WNT8B: variants seen among roughly 807,000 people sequenced by gnomAD.
WNT8B encodes the protein Wnt family member 8B.
Under a neutral mutation model 36.6 loss-of-function variants are expected in WNT8B, and 24 were observed. The observed-to-expected ratio is 0.66, with a 90% CI of 0.48 to 0.92. The LOEUF is 0.92. Ranked by LOEUF, WNT8B falls within the 40% of genes least tolerant of loss-of-function variation. The pLI is 0.00. For missense variants in WNT8B, 402 were observed against 470.8 expected (o/e 0.85, Z 1.35); for synonymous variants, 199 against 189.8 (o/e 1.05, Z -0.40).
At chr10:100,478,560 CT>C (rs1851068476) in intron 1 of WNT8B, among the ~76,000 whole-genome samples, 1 of 151,594 alleles carries the variant, frequency 6.6e-6, no homozygotes, top group Non-Finnish European at 1.5e-5. Context: ...GTTTTTTCTA[CT>C]AAGTTTTATG....
intron 1 of WNT8B, among the ~76,000 whole-genome samples, chr10:100,472,110 C>CTTTT (rs201400434): frequency 6.8e-6 from 1 of 146,196 alleles, no homozygotes; most frequent in African/African-American, 2.5e-5. Flanking sequence ...GGGAAGATTT[C>CTTTT]TTTTTCTTTT....
chr10:100,481,804 T>C lies in WNT8B; in HGVS notation c.368-108T>C, dbSNP rs1851115743. On this transcript the variant is annotated intron_variant, in intron 4 of 5. Coordinates refer to ENST00000343737, the MANE Select transcript of WNT8B (RefSeq NM_003393.4). ...ATACAGGGCACTCGCCCAACCTTAATCCTCTCCTATCCTGGACCCCCCCAC... is the reference window on the plus strand; with the variant it reads ...ATACAGGGCACTCGCCCAACCTTAACCCTCTCCTATCCTGGACCCCCCCAC... The C allele has an allele frequency of 1.5e-5, 22 of 1,467,076 alleles. No individual in the cohort carries two copies. In the South Asian group the frequency reaches 2.8e-4, roughly 18 times the overall value. The allele number at this position is 1,467,076 out of a possible 1,614,324, so 90.9% of individuals were successfully genotyped here.
chr10:100,470,587 G>A (rs1850965385), intron 1 of WNT8B, among the ~76,000 whole-genome samples: 1 of 151,976 alleles, frequency 6.6e-6, no homozygotes, highest in Admixed American at 6.6e-5. Context: ...TTGGGGAGAA[G>A]CCAGAAATAC....
In WNT8B at chr10:100,482,048, C is replaced by T. The variant is rs1389779459; in HGVS notation, c.504C>T (p.Gly168=). The change falls in exon 5 of 6, where the codon GGC becomes GGT. Residue 168 remains glycine (G), a synonymous_variant. Coordinates refer to ENST00000343737, the MANE Select transcript of WNT8B (RefSeq NM_003393.4). This position sits in a 1 kb window ranked among gnomAD's most constrained non-coding sequence, Gnocchi z 6.6. ...TGAACCTGCACAACAACGAGGCTGG[C>T]CGCAAGGTGAGTCCCGCAGCCCTTG... is the stretch of plus-strand genomic sequence containing the variant. ...AAMNLHNNEA[G]RKAVKGTMKR... The T allele has an allele frequency of 6.2e-7, 1 of 1,614,140 alleles. No homozygotes were observed.
intron 1 of WNT8B, among the ~76,000 whole-genome samples, chr10:100,475,738 AT>A (rs1190820054): frequency 1.3e-5 from 2 of 152,152 alleles, no homozygotes; most frequent in Non-Finnish European, 1.5e-5. Flanking sequence ...AAATCTTTGA[AT>A]GTTATTCCTA....
At chr10:100,467,773 A>G (rs1850922569) in intron 1 of WNT8B, among the ~76,000 whole-genome samples, 1 of 152,346 alleles carries the variant, frequency 6.6e-6, no homozygotes. Flanking sequence ...TGGGAAAAAC[A>G]TGTTTTTACA....
At chr10:100,473,675 T>C (rs1851003381) in intron 1 of WNT8B, among the ~76,000 whole-genome samples, 1 of 152,146 alleles carries the variant, frequency 6.6e-6, no homozygotes, top group Non-Finnish European at 1.5e-5. Context: ...GCCTGTAATC[T>C]TGCACTTTGG....
At chr10:100,466,191 G>A (rs909292203) in intron 1 of WNT8B, among the ~76,000 whole-genome samples, 6 of 151,894 alleles carry the variant, frequency 4.0e-5, no homozygotes, top group Non-Finnish European at 7.4e-5. Context: ...AAAGTAAGGT[G>A]TGAGGAACTG....
chr10:100,463,887 T>C (rs1335125628), intron 1 of WNT8B, among the ~76,000 whole-genome samples: 1 of 152,220 alleles, frequency 6.6e-6, no homozygotes, highest in Non-Finnish European at 1.5e-5. Flanking sequence ...TTGTAAATTA[T>C]AAACACAAAT....
At chr10:100,474,558 T>G (rs1467608780) in intron 1 of WNT8B, among the ~76,000 whole-genome samples, 1 of 152,160 alleles carries the variant, frequency 6.6e-6, no homozygotes, top group African/African-American at 2.4e-5. Context: ...TGGTACTCAC[T>G]ACAGGACAGT....
At position 100,483,084 on chromosome 10, in the gene WNT8B, A is replaced by G. The variant is rs141921801; in HGVS notation, c.*268A>G. 161 of 419,436 alleles carry G rather than the reference A, an allele frequency of 3.8e-4. 2 individuals are homozygous for G. In the East Asian group the frequency reaches 5.9e-3, roughly 15 times the overall value. 26.0% of individuals were successfully genotyped at this position (419,436 alleles called of 1,614,324 possible). Reference sequence around the variant, plus strand: ...TACTGATCTTCCTTGGATTAGGAGAACAGGTGTTCCTCCTCCCCTCTCCTA... The same window carrying G: ...TACTGATCTTCCTTGGATTAGGAGAGCAGGTGTTCCTCCTCCCCTCTCCTA... On this transcript the variant is annotated 3_prime_UTR_variant, in exon 6 of 6. Coordinates refer to ENST00000343737, the MANE Select transcript of WNT8B (RefSeq NM_003393.4).
intron 3 of WNT8B, 83 bp from the exon 4 acceptor site, chr10:100,480,915 G>T: frequency 1.4e-6 from 2 of 1,467,348 alleles, no homozygotes; most frequent in Non-Finnish European, 1.9e-6. Context: ...ATATAATGAT[G>T]GTTATTAAAG....
chr10:100,478,926 G>A (rs1851074724), intron 1 of WNT8B, 126 bp from the exon 2 acceptor site: 2 of 814,612 alleles, frequency 2.5e-6, no homozygotes, highest in Non-Finnish European at 3.7e-6. Context: ...TGTTTCCTGG[G>A]TAAAACTAGT....
At chr10:100,470,827 C>T (rs1166436121) in intron 1 of WNT8B, among the ~76,000 whole-genome samples, 1 of 152,186 alleles carries the variant, frequency 6.6e-6, no homozygotes, top group Non-Finnish European at 1.5e-5. Flanking sequence ...CTGCAACCTC[C>T]GCCTCCCAGG....
chr10:100,475,274 G>A (rs968162418), intron 1 of WNT8B, among the ~76,000 whole-genome samples: 4 of 151,974 alleles, frequency 2.6e-5, no homozygotes, highest in Admixed American at 1.3e-4. Context: ...CACAAGTCCC[G>A]GGAGGTGGAG....
chr10:100,482,454 G>A lies in WNT8B; in HGVS notation c.694G>A (p.Gly232Ser). The A allele has an allele frequency of 6.2e-7, 1 of 1,604,826 alleles. No individual in the cohort carries two copies. Among genetic ancestry groups the A allele is most frequent in the Non-Finnish European group, 8.5e-7 (1 of 1,179,872 alleles). The change falls in exon 6 of 6, where the codon GGC becomes AGC. Residue 232 changes from glycine to serine, a missense_variant. Gly to Ser is a moderately conservative substitution (Grantham distance 56). Around this residue, in one of 3 missense-constraint regions of WNT8B, gnomAD observed 256 missense variants for 278.6 expected, o/e 0.92. Coordinates refer to ENST00000343737, the MANE Select transcript of WNT8B (RefSeq NM_003393.4). The surrounding 1 kb of genome is among the most constrained non-coding windows in gnomAD (Gnocchi z 6.6). The stretch of plus-strand genomic sequence containing the variant: ...TGCTGGCAACAGCGCGGCCGGCCGC[G>A]GCGCCATCGCCGACACCTTTCGCTC... ...QGAGNSAAGR[G>S]AIADTFRSIS...
At chr10:100,466,184 G>A (rs1393186826) in intron 1 of WNT8B, among the ~76,000 whole-genome samples, 1 of 151,872 alleles carries the variant, frequency 6.6e-6, no homozygotes, top group Non-Finnish European at 1.5e-5. Context: ...GAAATAAAAA[G>A]TAAGGTGTGA....
intron 2 of WNT8B, among the ~76,000 whole-genome samples, chr10:100,479,483 G>A (rs1200536822): frequency 6.6e-6 from 1 of 152,164 alleles, no homozygotes; most frequent in East Asian, 1.9e-4. Context: ...TGTTTTCTAA[G>A]ATGGTCATGT....
At chr10:100,478,227 C>T (rs1851064532) in intron 1 of WNT8B, among the ~76,000 whole-genome samples, 1 of 152,208 alleles carries the variant, frequency 6.6e-6, no homozygotes, top group Non-Finnish European at 1.5e-5. Flanking sequence ...CTTCTAACGT[C>T]CCACGGAGTC....
Sources: allele counts gnomAD v4.1 joint callset (sites outside exome capture counted in the v4.1 genomes callset), GRCh38; gene constraint gnomAD v4.1.1; regional missense constraint gnomAD v4.1.1; non-coding constraint Gnocchi (gnomAD v3.1); transcripts MANE v1.5; gene names NCBI Gene and HGNC (gene_info 2026-07-23, HGNC 2026-07-21).